Variants in NKAIN3 observed in about 807,000 individuals in gnomAD.
NKAIN3 encodes the protein sodium/potassium-transporting ATPase subunit beta-1-interacting protein 3.
In NKAIN3, 25 loss-of-function variants were observed where a neutral mutation model predicts 30.2. The ratio of observed to expected loss-of-function variants is 0.83; its 90% CI spans 0.60 to 1.16. NKAIN3 has a LOEUF of 1.16. Ranked by LOEUF, NKAIN3 falls within the 50% of genes most tolerant of loss-of-function variation. The probability of loss-of-function intolerance (pLI) is 0.00; values close to 1 mark genes in which losing one functional copy is unlikely to be tolerated. For missense variants in NKAIN3, 225 were observed against 254.1 expected (o/e 0.89, Z 0.78); for synonymous variants, 91 against 89.6 (o/e 1.02, Z -0.09).
chr8:62,966,341 C>A lies in NKAIN3; in HGVS notation c.*934C>A, dbSNP rs1052192475. On this transcript the variant is annotated 3_prime_UTR_variant, in exon 7 of 7. Transcript: ENST00000623646. The stretch of plus-strand genomic sequence containing the variant: ...GCAACATCAGCTTTTCTTTCTCCTA[C>A]CCCTTCCCAATAACCAAGAAAATGA... 4.4e-5 allele frequency: 43 copies of A among 984,426 alleles called. No individual in the cohort carries two copies. The highest frequency in any genetic ancestry group is 4.8e-5 in the Non-Finnish European group (40 of 829,162). 61.0% of individuals were successfully genotyped at this position (984,426 alleles called of 1,614,324 possible). A position where few individuals can be genotyped will look rare whatever the true frequency, so the allele number is the denominator to read the frequency against.
At chr8:62,877,307 G>A (rs1820829099) in intron 4 of NKAIN3, among the ~76,000 whole-genome samples, 1 of 152,252 alleles carries the variant, frequency 6.6e-6, no homozygotes, top group South Asian at 2.1e-4. Context: ...GGTGTTCTCA[G>A]CAGATGCACC....
intron 1 of NKAIN3, among the ~76,000 whole-genome samples, chr8:62,404,218 C>G (rs1803985796): frequency 6.6e-6 from 1 of 152,170 alleles, no homozygotes; most frequent in Admixed American, 6.5e-5. Flanking sequence ...GCAGAAGGAA[C>G]TTGCCTTGTC....
In NKAIN3 at chr8:62,490,487, T is replaced by C. The variant is rs1458821668; in HGVS notation, c.55-89052T>C. ...TGTGAAGAAGGAATGTTAGAAAATA[T>C]AGACACTAATAAGAGATGAAGCAAT... On this transcript the variant is annotated intron_variant, in intron 1 of 6. Coordinates refer to ENST00000623646, the MANE Select transcript of NKAIN3 (RefSeq NM_001304533.3). Among the ~76,000 whole-genome samples, 4 of 152,182 alleles carry C rather than the reference T, an allele frequency of 2.6e-5. No homozygotes were observed. In the South Asian group the frequency reaches 8.3e-4, roughly 32 times the overall value.
At chr8:62,807,058 GTATT>G (rs939193012) in intron 4 of NKAIN3, among the ~76,000 whole-genome samples, 4 of 152,002 alleles carry the variant, frequency 2.6e-5, no homozygotes, top group Non-Finnish European at 5.9e-5. Context: ...TGTACATCAC[GTATT>G]TAGTTTGTTA....
intron 1 of NKAIN3, among the ~76,000 whole-genome samples, chr8:62,367,976 CA>C (rs1433889405): frequency 6.6e-6 from 1 of 151,954 alleles, no homozygotes; most frequent in Non-Finnish European, 1.5e-5. Flanking sequence ...CCATTAAAAA[CA>C]GCTACAAAAA....
At chr8:62,923,608 A>G (rs1822345646) in intron 5 of NKAIN3, among the ~76,000 whole-genome samples, 1 of 152,214 alleles carries the variant, frequency 6.6e-6, no homozygotes, top group Non-Finnish European at 1.5e-5. Flanking sequence ...ACGTCAGAAC[A>G]AGAGCTTAAT....
intron 1 of NKAIN3, among the ~76,000 whole-genome samples, chr8:62,371,802 C>G (rs1585733722): frequency 6.6e-6 from 1 of 151,828 alleles, no homozygotes; most frequent in South Asian, 2.1e-4. Context: ...GTTGCTGTTT[C>G]TAGTTTCAGA....
chr8:62,575,995 C>A (rs1810096733), intron 1 of NKAIN3, among the ~76,000 whole-genome samples: 1 of 152,020 alleles, frequency 6.6e-6, no homozygotes, highest in Non-Finnish European at 1.5e-5. Flanking sequence ...AAATCTAAGA[C>A]CTCAAACTAT....
At chr8:62,765,015 C>T (rs889067342) in intron 4 of NKAIN3, among the ~76,000 whole-genome samples, 2 of 151,982 alleles carry the variant, frequency 1.3e-5, no homozygotes, top group Non-Finnish European at 1.5e-5. Context: ...GAGGCCAAGG[C>T]GGGCAGATCA....
Position 62,894,817 on chromosome 8 carries a change from A to G in NKAIN3, c.472-23636A>G, listed in dbSNP as rs115171044. Among the ~76,000 whole-genome samples, 1,287 of 152,256 alleles carry G rather than the reference A, an allele frequency of 8.5e-3. 17 individuals carry two copies. The highest frequency in any genetic ancestry group is 0.03 in the African/African-American group (1,241 of 41,566). On this transcript the variant is annotated intron_variant, in intron 4 of 6. Transcript: ENST00000623646. ...CAGGCACTTTTAATCTTTCTTTGTC[A>G]TTATTCTCAGGATGTAGTTTTTATC...
chr8:62,884,327 C>T (rs963961887), intron 4 of NKAIN3, among the ~76,000 whole-genome samples: 1 of 151,718 alleles, frequency 6.6e-6, no homozygotes, highest in Non-Finnish European at 1.5e-5. Context: ...GGCGCAATCT[C>T]GGCTCACCAC....
intron 4 of NKAIN3, among the ~76,000 whole-genome samples, chr8:62,907,932 G>T (rs1488579550): frequency 1.3e-5 from 2 of 152,282 alleles, no homozygotes; most frequent in African/African-American, 4.8e-5. Context: ...TGAGATGAGG[G>T]CCACTGTCCT....
intron 6 of NKAIN3, among the ~76,000 whole-genome samples, chr8:62,957,825 A>C (rs1296410481): frequency 6.6e-6 from 1 of 152,202 alleles, no homozygotes; most frequent in African/African-American, 2.4e-5. Flanking sequence ...TGGAATGTAC[A>C]ACACCAAGAG....
intron 4 of NKAIN3, among the ~76,000 whole-genome samples, chr8:62,812,865 C>T (rs1306150775): frequency 2.0e-5 from 3 of 151,910 alleles, no homozygotes; most frequent in Non-Finnish European, 4.4e-5. Flanking sequence ...TAAACACACA[C>T]ACTAATTTTG....
intron 1 of NKAIN3, among the ~76,000 whole-genome samples, chr8:62,365,467 A>G (rs1196143263): frequency 1.3e-5 from 2 of 152,070 alleles, no homozygotes; most frequent in Non-Finnish European, 2.9e-5. Context: ...AATGTTTTTG[A>G]TATTTATCCA....
chr8:62,588,172 A>G (rs1389598438), intron 2 of NKAIN3, among the ~76,000 whole-genome samples: 1 of 151,818 alleles, frequency 6.6e-6, no homozygotes, highest in Non-Finnish European at 1.5e-5. Context: ...TTTAGAATGG[A>G]AGATATCAAA....
At chr8:62,684,948 A>G (rs527542675) in intron 3 of NKAIN3, among the ~76,000 whole-genome samples, 1 of 152,276 alleles carries the variant, frequency 6.6e-6, no homozygotes, top group African/African-American at 2.4e-5. Flanking sequence ...AATAGTGAGA[A>G]GATAAGTTTC....
intron 1 of NKAIN3, among the ~76,000 whole-genome samples, chr8:62,489,335 T>C (rs1585864722): frequency 6.6e-6 from 1 of 152,178 alleles, no homozygotes; most frequent in African/African-American, 2.4e-5. Flanking sequence ...GTCTAAGTCT[T>C]AAAGTGCAAT....
At chr8:62,350,055 G>T (rs532761917) in intron 1 of NKAIN3, among the ~76,000 whole-genome samples, 9 of 152,300 alleles carry the variant, frequency 5.9e-5, no homozygotes, top group African/African-American at 2.2e-4. Flanking sequence ...ACTGTGAAAA[G>T]CTGTATGGCA....
Sources: allele counts gnomAD v4.1 joint callset (sites outside exome capture counted in the v4.1 genomes callset), GRCh38; gene constraint gnomAD v4.1.1; transcripts MANE v1.5; gene names NCBI Gene and HGNC (gene_info 2026-07-23, HGNC 2026-07-21).